The following BRWD1 variants were observed in gnomAD, a reference collection of about 807,000 sequenced individuals.
The protein encoded by BRWD1 is bromodomain and WD repeat domain containing 1.
Under a neutral mutation model 251.2 loss-of-function variants are expected in BRWD1, and 82 were observed. The ratio of observed to expected loss-of-function variants is 0.33; its 90% CI spans 0.27 to 0.39. The LOEUF (loss-of-function observed/expected upper bound fraction) is 0.39, where lower values mean the gene tolerates loss of function less well. BRWD1 is among the 10% of genes least tolerant of loss of function. The pLI is 1.00. For synonymous variants in BRWD1, 918 were observed against 902.8 expected (o/e 1.02, Z -0.30); for missense variants, 2,233 against 2,711.6 (o/e 0.82, Z 3.92).
At chr21:39,203,755 A>T (rs1370795224) in intron 37 of BRWD1, among the ~76,000 whole-genome samples, 1 of 151,032 alleles carries the variant, frequency 6.6e-6, no homozygotes, top group Non-Finnish European at 1.5e-5. Flanking sequence ...AGTGGTATCT[A>T]GACATTGAAG....
At position 39,206,130 on chromosome 21, in the gene BRWD1, T is replaced by C. The variant is rs1165231486; in HGVS notation, c.4342A>G (p.Ser1448Gly). 3 of 1,611,720 alleles carry C rather than the reference T, an allele frequency of 1.9e-6. 1 individual carries two copies. The highest frequency in any genetic ancestry group is 1.3e-5 in the African/African-American group (1 of 74,860). ...FKQRQNCKGD[S>G]QPNKSIRNLK... ...TACCTGATACTTTTGTTAGGCTGAC[T>C]GTCACCTTTACAATTTTGCCGTTGC... The change falls in exon 37 of 41, where the codon AGT becomes GGT. Residue 1448 changes from serine to glycine, a missense_variant. Around this residue, in one of 12 missense-constraint regions of BRWD1, gnomAD observed 928 missense variants for 970.0 expected, o/e 0.96. Transcript: ENST00000342449.
intron 15 of BRWD1, among the ~76,000 whole-genome samples, chr21:39,266,348 T>A (rs1248259207): frequency 6.6e-6 from 1 of 152,200 alleles, no homozygotes; most frequent in Non-Finnish European, 1.5e-5. Context: ...CATTAAAACA[T>A]AAGAACATGG....
intron 4 of BRWD1, among the ~76,000 whole-genome samples, chr21:39,303,837 A>G (rs376846569): frequency 6.6e-6 from 1 of 151,718 alleles, no homozygotes; most frequent in Non-Finnish European, 1.5e-5. Flanking sequence ...AAAAAAAGAA[A>G]AAGAAAAGAA....
upstream of BRWD1, among the ~76,000 whole-genome samples, chr21:39,318,354 A>C (rs1408690208): frequency 6.6e-6 from 1 of 152,210 alleles, no homozygotes; most frequent in Non-Finnish European, 1.5e-5. Flanking sequence ...GAGAACATGC[A>C]AAACAACTCA....
intron 22 of BRWD1, 83 bp downstream of exon 22, chr21:39,238,396 G>T: frequency 5.4e-6 from 6 of 1,101,244 alleles, no homozygotes; most frequent in South Asian, 1.4e-5. Context: ...GCAAATTCTT[G>T]CCTCTTGAAT....
chr21:39,238,040 G>T (rs1367627249), intron 22 of BRWD1, among the ~76,000 whole-genome samples: 2 of 152,060 alleles, frequency 1.3e-5, no homozygotes, highest in Non-Finnish European at 2.9e-5. Flanking sequence ...AGAGATTAAG[G>T]TCCAGTTTTC....
Position 39,200,245 on chromosome 21 carries a change from C to T in BRWD1, c.4727G>A (p.Arg1576Lys). ...LSRSSNLRVT[R>K]TRAAQRKTGP... ...AGTTTTTCTTTGAGCAGCTCTAGTT[C>T]TGGTTACCCTGAGATTGCTGCTTCT... is the stretch of plus-strand genomic sequence containing the variant. The change falls in exon 39 of 41, where the codon AGA (arginine) becomes AAA (lysine). Residue 1576 changes from arginine (R) to lysine (K), a missense_variant. This residue lies in a region of BRWD1 where 928 missense variants were observed against 970.0 expected (regional missense o/e 0.96). Transcript: ENST00000342449. 1 of 1,613,384 alleles carries T rather than the reference C, an allele frequency of 6.2e-7. No individual in the cohort carries two copies. The highest frequency in any genetic ancestry group is 8.5e-7 in the Non-Finnish European group (1 of 1,179,796).
chr21:39,276,749 C>T (rs1412214748), intron 11 of BRWD1, among the ~76,000 whole-genome samples: 2 of 116,444 alleles, frequency 1.7e-5, no homozygotes, highest in African/African-American at 6.2e-5. Flanking sequence ...ATTTCATGGG[C>T]TTGGTTAGAT....
downstream of BRWD1, chr21:39,184,439 A>C (rs1165028770): frequency 6.6e-6 from 1 of 152,266 alleles, no homozygotes; most frequent in Non-Finnish European, 1.5e-5. Context: ...AAGGGGACAT[A>C]ATTTAAATGA....
Position 39,189,895 on chromosome 21 carries a change from A to T in BRWD1, c.*6364T>A. On this transcript the variant is annotated 3_prime_UTR_variant, in exon 41 of 41. Transcript: ENST00000342449. The stretch of plus-strand genomic sequence containing the variant: ...TTTGTGATGGTGCCATGTGATACTA[A>T]GAAGTCAGTAGAATCCCACCAGTCC... 1 of 985,360 alleles carries T rather than the reference A, an allele frequency of 1.0e-6. No individual in the cohort carries two copies. Among genetic ancestry groups the T allele is most frequent in the Non-Finnish European group, 1.2e-6 (1 of 829,886 alleles). The allele number at this position is 985,360 out of a possible 1,614,324, so 61.0% of individuals were successfully genotyped here. A position where few individuals can be genotyped will look rare whatever the true frequency, so the allele number is the denominator to read the frequency against.
chr21:39,268,466 A>G (rs1334516339), intron 15 of BRWD1, among the ~76,000 whole-genome samples: 1 of 146,696 alleles, frequency 6.8e-6, no homozygotes, highest in Non-Finnish European at 1.5e-5. Context: ...AAAAATTATC[A>G]CCATAGTAAG....
rs1284951865 is a variant in BRWD1 at position 39,242,260 on chromosome 21, A to T, written c.2482-3687T>A. On this transcript the variant is annotated intron_variant, in intron 21 of 40. Coordinates refer to ENST00000342449, the MANE Select transcript of BRWD1 (RefSeq NM_033656.4). ...CACACAAATGGTAAGAAAGCAAAAT[A>T]GCCATACGGCTAATATAGAGAAAGT... Among the ~76,000 whole-genome samples, 5 of 152,268 alleles carry T rather than the reference A, an allele frequency of 3.3e-5. No individual in the cohort carries two copies. The South Asian group carries it at 1.0e-3, about 31-fold the overall frequency.
chr21:39,306,358 C>T (rs138340644), intron 4 of BRWD1, among the ~76,000 whole-genome samples: 331 of 152,152 alleles, frequency 2.2e-3, no homozygotes, highest in Admixed American at 4.3e-3. Flanking sequence ...TGTGAGCCAC[C>T]GCACCTGGCC....
At chr21:39,224,940 T>C in intron 28 of BRWD1, 146 bp downstream of exon 28, 1 of 623,058 alleles carries the variant, frequency 1.6e-6, no homozygotes, top group Non-Finnish European at 2.8e-6. Flanking sequence ...AGTAGGTGCA[T>C]GTCTGAGAGA....
chr21:39,229,330 T>C lies in BRWD1; in HGVS notation c.3107A>G (p.Asp1036Gly). Residue 1036 changes from aspartate to glycine, a missense_variant, in exon 26 of 41, where the codon GAC becomes GGC. By Grantham distance (94) the Asp-to-Gly change is moderately conservative (BLOSUM62 -1). This residue lies in a region of BRWD1 where 139 missense variants were observed against 272.8 expected (regional missense o/e 0.51). Coordinates refer to ENST00000342449, the MANE Select transcript of BRWD1 (RefSeq NM_033656.4). Reference sequence around the variant, plus strand: ...TACATACCTAATAGAGAAAGATTTGTCCATAAGTTTTCCAGTTGCTGGATC... The same window carrying C: ...TACATACCTAATAGAGAAAGATTTGCCCATAAGTTTTCCAGTTGCTGGATC... ...FIDPATGKLMDKSFSIRYHDM... is the reference protein window; with the variant it reads ...FIDPATGKLMGKSFSIRYHDM... The C allele has an allele frequency of 6.2e-7, 1 of 1,601,280 alleles. No individual in the cohort carries two copies. The highest frequency in any genetic ancestry group is 8.6e-7 in the Non-Finnish European group (1 of 1,169,154).
chr21:39,230,980 C>T (rs551782024), intron 25 of BRWD1, among the ~76,000 whole-genome samples: 2 of 152,096 alleles, frequency 1.3e-5, no homozygotes, highest in African/African-American at 4.8e-5. Context: ...AATACAGAAT[C>T]CAAGAATAAT....
upstream of BRWD1, chr21:39,314,222 C>T (rs867056758): frequency 1.8e-4 from 80 of 455,702 alleles, 4 homozygotes; most frequent in Middle Eastern, 0.023. Flanking sequence ...GACCCGCGCT[C>T]CTGGGGCGGG....
chr21:39,255,483 T>C (rs1452703189), intron 19 of BRWD1, among the ~76,000 whole-genome samples, 162 bp downstream of exon 19: 1 of 151,968 alleles, frequency 6.6e-6, no homozygotes, highest in Non-Finnish European at 1.5e-5. Flanking sequence ...TAGAGAATAA[T>C]TCTGACATTT....
At chr21:39,295,991 A>G (rs1021066345) in intron 6 of BRWD1, 88 bp from the exon 7 acceptor site, 26 of 1,164,028 alleles carry the variant, frequency 2.2e-5, no homozygotes, top group Admixed American at 9.6e-5. Context: ...CTAGAGGGTC[A>G]CAAAAATCTA....
Sources: allele counts gnomAD v4.1 joint callset (sites outside exome capture counted in the v4.1 genomes callset), GRCh38; gene constraint gnomAD v4.1.1; regional missense constraint gnomAD v4.1.1; transcripts MANE v1.5; gene names NCBI Gene and HGNC (gene_info 2026-07-23, HGNC 2026-07-21).